VWA2: variants seen among roughly 807,000 people sequenced by gnomAD.
VWA2 encodes von Willebrand factor A domain-containing protein 2.
In VWA2, 73 loss-of-function variants were observed where a neutral mutation model predicts 70.4. The observed-to-expected ratio is 1.04, with a 90% CI of 0.86 to 1.26. VWA2 has a LOEUF of 1.26. VWA2 is among the 50% of genes most tolerant of loss of function. The pLI is 0.00. For missense variants in VWA2, 1,011 were observed against 998.5 expected (o/e 1.01, Z -0.17); for synonymous variants, 407 against 423.3 (o/e 0.96, Z 0.47).
chr10:114,248,486 T>C (rs1470057611), intron 1 of VWA2, among the ~76,000 whole-genome samples: 1 of 152,130 alleles, frequency 6.6e-6, no homozygotes, highest in Non-Finnish European at 1.5e-5. Flanking sequence ...AGAGGTATCC[T>C]GGGGAAGATG....
intron 1 of VWA2, chr10:114,246,623 T>C: frequency 6.7e-7 from 1 of 1,484,182 alleles, no homozygotes; most frequent in Non-Finnish European, 9.4e-7. Flanking sequence ...CAGAGGCCAA[T>C]GCTCAGAGAA....
chr10:114,266,034 A>T lies in VWA2; in HGVS notation c.371+4739A>T, dbSNP rs182873474. On this transcript the variant is annotated intron_variant, in intron 5 of 13. Transcript: ENST00000392982. ...AACTTTTGGCCGGGCGCGGTGGCTC[A>T]CGTCTGTAATCCCAGCACTTTGGGA... Among the ~76,000 whole-genome samples, 136 of 152,254 alleles carry T rather than the reference A, an allele frequency of 8.9e-4. 1 individual carries two copies. Among genetic ancestry groups the T allele is most frequent in the African/African-American group, 3.2e-3 (134 of 41,548 alleles).
rs1228002965 is a variant in VWA2 at position 114,255,048 on chromosome 10, GGTGA to G, written c.261+4_261+7del. The G allele has an allele frequency of 1.2e-6, 2 of 1,611,522 alleles. No homozygotes were observed. Among genetic ancestry groups the G allele is most frequent in the Non-Finnish European group, 1.7e-6 (2 of 1,179,848 alleles). On this transcript the variant is annotated splice_donor_variant and splice_donor_region_variant and intron_variant, in intron 4 of 13. Transcript: ENST00000392982. LOFTEE classifies it high-confidence loss of function. ...ACGGTCTGGACATCAGCCCCGAGAG[GGTGA>G]GTGCAAGTCTTGTGGGTGTTTGTGT...
intron 12 of VWA2, 112 bp downstream of exon 12, chr10:114,289,601 C>G: frequency 8.0e-7 from 1 of 1,253,444 alleles, no homozygotes; most frequent in Non-Finnish European, 1.1e-6. Context: ...TGAGCACTTG[C>G]TTCCCAAGTG....
chr10:114,262,266 C>T (rs1162372134), intron 5 of VWA2, among the ~76,000 whole-genome samples: 1 of 150,610 alleles, frequency 6.6e-6, no homozygotes, highest in Non-Finnish European at 1.5e-5. Context: ...TGTGTTTATG[C>T]TCATATGTTT....
intron 3 of VWA2, 32 bp downstream of exon 3, chr10:114,253,757 G>T: frequency 6.3e-7 from 1 of 1,593,478 alleles, no homozygotes; most frequent in Non-Finnish European, 8.6e-7. Context: ...CCCTCCAGAT[G>T]CCCACTCAGA....
chr10:114,282,379 A>C (rs142752148), intron 8 of VWA2, 137 bp from the exon 9 acceptor site: 2 of 704,854 alleles, frequency 2.8e-6, no homozygotes, highest in Admixed American at 4.4e-5. Flanking sequence ...GGTAGAATCA[A>C]GAAACAAAAC....
intron 3 of VWA2, among the ~76,000 whole-genome samples, chr10:114,254,036 C>G (rs528058321): frequency 6.6e-6 from 1 of 151,854 alleles, no homozygotes; most frequent in African/African-American, 2.4e-5. Flanking sequence ...GAGGTACACT[C>G]CATCTCAAAA....
chr10:114,268,658 T>A (rs897561568), intron 5 of VWA2, among the ~76,000 whole-genome samples: 1 of 152,116 alleles, frequency 6.6e-6, no homozygotes, highest in African/African-American at 2.4e-5. Context: ...TAGGCAGAAG[T>A]GCTTCCTGGA....
At position 114,248,865 on chromosome 10, in the gene VWA2, A is replaced by G. The variant is rs573231039; in HGVS notation, c.52+100A>G. On this transcript the variant is annotated intron_variant, in intron 2 of 13. Coordinates refer to ENST00000392982, the MANE Select transcript of VWA2 (RefSeq NM_001272046.2). ...ATTTTCAATTCTAAAGGTCTCTTGA[A>G]TCCACCTGCATCTCCCCTCCATGGC... 1.2e-5 allele frequency: 13 copies of G among 1,089,466 alleles called. No individual in the cohort carries two copies. The African/African-American group carries it at 1.7e-4, about 14-fold the overall frequency. 67.5% of individuals were successfully genotyped at this position (1,089,466 alleles called of 1,614,324 possible).
rs929062587 is a variant in VWA2 at position 114,263,494 on chromosome 10, G to A, written c.371+2199G>A. The stretch of plus-strand genomic sequence containing the variant: ...TGGGACTACAGGAGCCCGCCACCAC[G>A]CCTGGCTAATTTTTTGTATTTTTTA... On this transcript the variant is annotated intron_variant, in intron 5 of 13. Coordinates refer to ENST00000392982, the MANE Select transcript of VWA2 (RefSeq NM_001272046.2). 4.0e-5 allele frequency among the ~76,000 whole-genome samples: 6 copies of A among 151,834 alleles called. No homozygotes were observed. In the East Asian group the frequency reaches 1.2e-3, roughly 29 times the overall value.
In VWA2 at chr10:114,286,299, C is replaced by G; in HGVS notation, c.1358C>G (p.Thr453Ser). 1 of 1,610,270 alleles carries G rather than the reference C, an allele frequency of 6.2e-7. No homozygotes were observed. The highest frequency in any genetic ancestry group is 8.5e-7 in the Non-Finnish European group (1 of 1,177,392). The stretch of plus-strand genomic sequence containing the variant: ...CCACGTAGAGTGGTGGTTTTGCTCA[C>G]TGAGTCACACTCCGAGGATGAGGTT... ...DRPRRVVVLL[T>S]ESHSEDEVAG... The change falls in exon 11 of 14, where the codon ACT becomes AGT. Residue 453 changes from threonine (T) to serine (S), a missense_variant. Coordinates refer to ENST00000392982, the MANE Select transcript of VWA2 (RefSeq NM_001272046.2).
chr10:114,252,594 T>C (rs1001516743), intron 2 of VWA2, among the ~76,000 whole-genome samples: 2 of 152,034 alleles, frequency 1.3e-5, no homozygotes, highest in Admixed American at 6.5e-5. Flanking sequence ...GTTGCAAACC[T>C]TGAGACCAGG....
chr10:114,289,290 C>G lies in VWA2; in HGVS notation c.1923C>G (p.Gly641=), dbSNP rs759658035. Residue 641 remains glycine, a synonymous_variant, in exon 12 of 14, where the codon GGC becomes GGG. Coordinates refer to ENST00000392982, the MANE Select transcript of VWA2 (RefSeq NM_001272046.2). ...CCAAAGCTGTGGTGGTGCTCACAGG[C>G]GGGAGAGGCGCAGAGGATGCAGCCG... ...GVPKAVVVLT[G]GRGAEDAAVP... 118 of 1,613,902 alleles carry G rather than the reference C, an allele frequency of 7.3e-5. No homozygotes were observed. In the African/African-American group the frequency reaches 1.1e-3, roughly 15 times the overall value.
chr10:114,251,422 C>T (rs1002493295), intron 2 of VWA2, among the ~76,000 whole-genome samples: 1 of 152,244 alleles, frequency 6.6e-6, no homozygotes, highest in Non-Finnish European at 1.5e-5. Flanking sequence ...TGAGTGACAT[C>T]TTTAGTGAGT....
At chr10:114,257,690 G>A (rs113019226) in intron 4 of VWA2, among the ~76,000 whole-genome samples, 2 of 152,342 alleles carry the variant, frequency 1.3e-5, no homozygotes, top group East Asian at 1.9e-4. Context: ...GTGTATGTGC[G>A]TGTGAGGAGG....
intron 5 of VWA2, among the ~76,000 whole-genome samples, chr10:114,267,242 G>C (rs191692690): frequency 6.7e-6 from 1 of 149,188 alleles, no homozygotes; most frequent in Non-Finnish European, 1.5e-5. Flanking sequence ...AGACTCTCCC[G>C]AGTAGCTGGG....
At chr10:114,242,594 T>TCTCTGTGTACCACGTGC (rs1201402314) in intron 1 of VWA2, among the ~76,000 whole-genome samples, 1 of 151,310 alleles carries the variant, frequency 6.6e-6, no homozygotes, top group Non-Finnish European at 1.5e-5. Flanking sequence ...GTACCGCATG[T>TCTCTGTGTACCACGTGC]CTCTGTGTAC....
In VWA2 at chr10:114,289,713, C is replaced by T. The variant is rs2039362853; in HGVS notation, c.2122+224C>T. 8.5e-6 allele frequency: 5 copies of T among 585,520 alleles called. No individual in the cohort carries two copies. In the Admixed American group the frequency reaches 1.2e-4, roughly 14 times the overall value. 36.3% of individuals were successfully genotyped at this position (585,520 alleles called of 1,614,324 possible). On this transcript the variant is annotated intron_variant, in intron 12 of 13. Coordinates refer to ENST00000392982, the MANE Select transcript of VWA2 (RefSeq NM_001272046.2). ...CAGAAAGTTTAACTAACATAGATAA[C>T]TCCCCCCAAACTTGAGAATTTATGC...
Sources: gnomAD v4.1 joint callset for allele counts (sites outside exome capture counted in the v4.1 genomes callset) on GRCh38, gnomAD v4.1.1 for gene constraint, MANE v1.5 for transcripts, NCBI Gene and HGNC (gene_info 2026-07-23, HGNC 2026-07-21) for gene names.